CRMP1: variants seen among roughly 807,000 people sequenced by gnomAD.
CRMP1 encodes collapsin response mediator protein 1.
A neutral mutation model predicts 68.3 loss-of-function variants in CRMP1; 19 were observed. The observed-to-expected ratio is 0.28, with a 90% CI of 0.19 to 0.41. The LOEUF is 0.41. CRMP1 is among the 10% of genes least tolerant of loss of function. The probability of loss-of-function intolerance (pLI) is 1.00; values close to 1 mark genes in which losing one functional copy is unlikely to be tolerated. For synonymous variants in CRMP1, 439 were observed against 399.6 expected (o/e 1.10, Z -1.18); for missense variants, 791 against 967.4 (o/e 0.82, Z 2.42).
chr4:5,858,531 G>A lies in CRMP1; in HGVS notation c.656-2224C>T, dbSNP rs1317693443. The stretch of plus-strand genomic sequence containing the variant: ...GTGTGACCCAGCACCGAAGGCTGTT[G>A]ACTGGCCTCCTCCATATCCCTGGAG... On this transcript the variant is annotated intron_variant, in intron 3 of 13. Coordinates refer to ENST00000324989, the MANE Select transcript of CRMP1 (RefSeq NM_001014809.3). The surrounding 1 kb of genome is among the most constrained non-coding windows in gnomAD (Gnocchi z 5.5). 3.3e-5 allele frequency among the ~76,000 whole-genome samples: 5 copies of A among 152,004 alleles called. No homozygotes were observed. In the South Asian group the frequency reaches 1.0e-3, roughly 32 times the overall value.
Position 5,843,032 on chromosome 4 carries a change from G to A in CRMP1, c.1032+61C>T. On this transcript the variant is annotated intron_variant, in intron 7 of 13. Transcript: ENST00000324989. The surrounding 1 kb of genome is among the most constrained non-coding windows in gnomAD (Gnocchi z 4.1). ...TGGCTGGGCTACTCCAGCTGGAACA[G>A]CATCAAGGTGAGTGCTCAGTGGTGA... 3 of 1,519,926 alleles carry A rather than the reference G, an allele frequency of 2.0e-6. No individual in the cohort carries two copies. The highest frequency in any genetic ancestry group is 1.7e-5 in the Admixed American group (1 of 59,758). The allele number at this position is 1,519,926 out of a possible 1,614,324, so 94.2% of individuals were successfully genotyped here. A position where few individuals can be genotyped will look rare whatever the true frequency, so the allele number is the denominator to read the frequency against.
At position 5,843,009 on chromosome 4, in the gene CRMP1, G is replaced by T; in HGVS notation, c.1032+84C>A. The T allele has an allele frequency of 7.4e-7, 1 of 1,343,686 alleles. No individual in the cohort carries two copies. The highest frequency in any genetic ancestry group is 1.1e-6 in the Non-Finnish European group (1 of 938,972). 83.2% of individuals were successfully genotyped at this position (1,343,686 alleles called of 1,614,324 possible). Reference sequence around the variant, plus strand: ...GGACACGGGAAGAGGCCGGGTCCTGGCTGGGCTACTCCAGCTGGAACAGCA... The same window carrying T: ...GGACACGGGAAGAGGCCGGGTCCTGTCTGGGCTACTCCAGCTGGAACAGCA... On this transcript the variant is annotated intron_variant, in intron 7 of 13. Coordinates refer to ENST00000324989, the MANE Select transcript of CRMP1 (RefSeq NM_001014809.3). This position sits in a 1 kb window ranked among gnomAD's most constrained non-coding sequence, Gnocchi z 4.1.
At position 5,825,686 on chromosome 4, in the gene CRMP1, T is replaced by C. The variant is rs141762914; in HGVS notation, c.1804-27A>G. 5.6e-4 allele frequency: 901 copies of C among 1,609,254 alleles called. 6 individuals are homozygous for C. The East Asian group carries it at 0.018, about 32-fold the overall frequency. ...TAAACAGAGGAAGGGAGAGTGTGATTGATCGACACTGTGCATGTGTGCCCT... is the reference window on the plus strand; with the variant it reads ...TAAACAGAGGAAGGGAGAGTGTGATCGATCGACACTGTGCATGTGTGCCCT... On this transcript the variant is annotated intron_variant, in intron 12 of 13. Transcript: ENST00000324989. This position sits in a 1 kb window ranked among gnomAD's most constrained non-coding sequence, Gnocchi z 4.4.
chr4:5,835,814 C>T, intron 11 of CRMP1, 101 bp downstream of exon 11: 1 of 1,290,002 alleles, frequency 7.8e-7, no homozygotes, highest in Non-Finnish European at 1.0e-6. Flanking sequence ...TATCAGATCA[C>T]ATCCTAGTTG....
rs1350748249 is a variant in CRMP1, at chr4:5,825,984, C to T, written c.1804-325G>A. On this transcript the variant is annotated intron_variant, in intron 12 of 13. Coordinates refer to ENST00000324989, the MANE Select transcript of CRMP1 (RefSeq NM_001014809.3). This position sits in a 1 kb window ranked among gnomAD's most constrained non-coding sequence, Gnocchi z 4.4. Reference sequence around the variant, plus strand: ...CACATGCAGTAACAAAACAGGCCTACACAGTAGCATACACGCGTGAACACG... The same window carrying T: ...CACATGCAGTAACAAAACAGGCCTATACAGTAGCATACACGCGTGAACACG... The T allele has an allele frequency of 2.6e-6, 1 of 385,616 alleles. No homozygotes were observed. The highest frequency in any genetic ancestry group is 2.3e-5 in the African/African-American group (1 of 43,004). The allele number at this position is 385,616 out of a possible 1,614,324, so 23.9% of individuals were successfully genotyped here. A position where few individuals can be genotyped will look rare whatever the true frequency, so the allele number is the denominator to read the frequency against.
chr4:5,887,988 C>A (rs1304653516), intron 1 of CRMP1, among the ~76,000 whole-genome samples: 1 of 151,974 alleles, frequency 6.6e-6, no homozygotes, highest in Non-Finnish European at 1.5e-5. Flanking sequence ...GCGGCAAGCC[C>A]GCGGGGAGAG....
chr4:5,876,711 A>G (rs1423900829), intron 1 of CRMP1, among the ~76,000 whole-genome samples: 1 of 152,168 alleles, frequency 6.6e-6, no homozygotes, highest in African/African-American at 2.4e-5. Context: ...GCAATTCAAA[A>G]CTTCAAGATG....
At position 5,855,029 on chromosome 4, in the gene CRMP1, TTATAC is replaced by T. The variant is rs1299415458; in HGVS notation, c.820+1109_820+1113del. 3.9e-5 allele frequency among the ~76,000 whole-genome samples: 6 copies of T among 152,128 alleles called. No homozygotes were observed. Among genetic ancestry groups the T allele is most frequent in the Non-Finnish European group, 7.3e-5 (5 of 68,030 alleles). On this transcript the variant is annotated intron_variant, in intron 4 of 13. Transcript: ENST00000324989. This position sits in a 1 kb window ranked among gnomAD's most constrained non-coding sequence, Gnocchi z 4.9. ...ATAGCTAAGCAAATTAACCATTATA[TTATAC>T]ATTACAAGCCATTAAAAAGTTATTG...
At chr4:5,873,623 C>T (rs971933043) in intron 1 of CRMP1, among the ~76,000 whole-genome samples, 3 of 152,102 alleles carry the variant, frequency 2.0e-5, no homozygotes, top group Non-Finnish European at 2.9e-5. Context: ...AAGAACAGCA[C>T]CAAAGGGGGA....
chr4:5,849,357 C>G, intron 6 of CRMP1, 35 bp downstream of exon 6: 1 of 1,529,840 alleles, frequency 6.5e-7, no homozygotes, highest in Non-Finnish European at 9.1e-7. Flanking sequence ...GAGAATCAGA[C>G]TGAGGTAGAA....
rs964318522 is a variant in CRMP1 at position 5,877,898 on chromosome 4, T to C, written c.382-11142A>G. ...CACAACCCTAAGAGTGGGCAGGGCC[T>C]GCACGCTGCATAGGGAAAGACGATG... On this transcript the variant is annotated intron_variant, in intron 1 of 13. Transcript: ENST00000324989. The surrounding 1 kb of genome is among the most constrained non-coding windows in gnomAD (Gnocchi z 4.3). 1.3e-5 allele frequency among the ~76,000 whole-genome samples: 2 copies of C among 152,246 alleles called. No individual in the cohort carries two copies. The highest frequency in any genetic ancestry group is 2.4e-5 in the African/African-American group (1 of 41,460).
Position 5,833,218 on chromosome 4 carries a change from G to A in CRMP1, c.1623+2697C>T, listed in dbSNP as rs559963164. Among the ~76,000 whole-genome samples, 7 of 83,340 alleles carry A rather than the reference G, an allele frequency of 8.4e-5. 2 individuals carry two copies. The South Asian group carries it at 2.5e-3, about 30-fold the overall frequency. The allele number at this position is 83,340 out of a possible 152,430, so 54.7% of individuals were successfully genotyped here. ...GTCTCGCTCTGTCGCCCAGGCTGGA[G>A]TGCAGTGGTGGGATCTCGGCTCACC... On this transcript the variant is annotated intron_variant, in intron 11 of 13. Transcript: ENST00000324989.
chr4:5,890,429 G>A lies in CRMP1; in HGVS notation c.381+2160C>T, dbSNP rs577769886. 7.5e-4 allele frequency among the ~76,000 whole-genome samples: 114 copies of A among 152,364 alleles called. 1 individual carries two copies. The highest frequency in any genetic ancestry group is 1.4e-3 in the Admixed American group (22 of 15,314). On this transcript the variant is annotated intron_variant, in intron 1 of 13. Coordinates refer to ENST00000324989, the MANE Select transcript of CRMP1 (RefSeq NM_001014809.3). This position sits in a 1 kb window ranked among gnomAD's most constrained non-coding sequence, Gnocchi z 5.5. ...CCAGGGAGAAGCCTGGTGGGCGGGGGGGGAAGGGCCGGGGCACCCGTTGCG... is the reference window on the plus strand; with the variant it reads ...CCAGGGAGAAGCCTGGTGGGCGGGGAGGGAAGGGCCGGGGCACCCGTTGCG...
Position 5,842,428 on chromosome 4 carries a change from CAAAAAA to C in CRMP1, c.1032+659_1032+664del, listed in dbSNP as rs71171489. On this transcript the variant is annotated intron_variant, in intron 7 of 13. Coordinates refer to ENST00000324989, the MANE Select transcript of CRMP1 (RefSeq NM_001014809.3). This position sits in a 1 kb window ranked among gnomAD's most constrained non-coding sequence, Gnocchi z 4.5. The stretch of plus-strand genomic sequence containing the variant: ...TGGGCAACAGAGAGAGACTCCATCT[CAAAAAA>C]AAAAAAAAAAAAAGAAAAGAAAGAA... Among the ~76,000 whole-genome samples, 21 of 99,088 alleles carry C rather than the reference CAAAAAA, an allele frequency of 2.1e-4. No homozygotes were observed. The highest frequency in any genetic ancestry group is 2.9e-4 in the African/African-American group (8 of 27,984). The allele number at this position is 99,088 out of a possible 152,430, so 65.0% of individuals were successfully genotyped here. A position where few individuals can be genotyped will look rare whatever the true frequency, so the allele number is the denominator to read the frequency against.
In CRMP1 at chr4:5,860,950, T is replaced by C; in HGVS notation, c.655+76A>G. 1 of 1,470,850 alleles carries C rather than the reference T, an allele frequency of 6.8e-7. No individual in the cohort carries two copies. The highest frequency in any genetic ancestry group is 1.4e-5 in the African/African-American group (1 of 72,232). 91.1% of individuals were successfully genotyped at this position (1,470,850 alleles called of 1,614,324 possible). ...CCTGGGCAGAGAGCCTCGAACACAC[T>C]GAGCACTTGTGATGCTGGTGATGGG... On this transcript the variant is annotated intron_variant, in intron 3 of 13. Coordinates refer to ENST00000324989, the MANE Select transcript of CRMP1 (RefSeq NM_001014809.3). This position sits in a 1 kb window ranked among gnomAD's most constrained non-coding sequence, Gnocchi z 4.2.
intron 11 of CRMP1, among the ~76,000 whole-genome samples, chr4:5,828,875 C>A (rs530332793): frequency 1.6e-4 from 24 of 152,164 alleles, no homozygotes; most frequent in African/African-American, 5.5e-4. Flanking sequence ...TGTAGGCTGC[C>A]GGTGGCTTTC....
In CRMP1 at chr4:5,825,301, AC is replaced by A; in HGVS notation, c.1969+192del. 2 of 984,146 alleles carry A rather than the reference AC, an allele frequency of 2.0e-6. No homozygotes were observed. Among genetic ancestry groups the A allele is most frequent in the Non-Finnish European group, 2.4e-6 (2 of 829,678 alleles). The allele number at this position is 984,146 out of a possible 1,614,324, so 61.0% of individuals were successfully genotyped here. On this transcript the variant is annotated intron_variant, in intron 13 of 13. Transcript: ENST00000324989. The surrounding 1 kb of genome is among the most constrained non-coding windows in gnomAD (Gnocchi z 4.4). Reference sequence around the variant, plus strand: ...CCACCATGTTGCCCCCCTAACATGGACCCCCCTCTGCTTGGTGACCATGCCA... The same window carrying A: ...CCACCATGTTGCCCCCCTAACATGGACCCCCTCTGCTTGGTGACCATGCCA...
chr4:5,832,452 T>C (rs1163963809), intron 11 of CRMP1, among the ~76,000 whole-genome samples: 1 of 152,256 alleles, frequency 6.6e-6, no homozygotes, highest in East Asian at 1.9e-4. Context: ...TTGTGTTTTA[T>C]AGAAAAGTAG....
Position 5,868,261 on chromosome 4 carries a change from CTATATATATATATATATATATATATATA to C in CRMP1, c.382-1533_382-1506del, listed in dbSNP as rs60816757. ...CCGCACATTCTTCATGACTATATATCTATATATATATATATATATATATATATATATATATATATATACATAATTTTTT... is the reference window on the plus strand; with the variant it reads ...CCGCACATTCTTCATGACTATATATCTATATATATATATACATAATTTTTT... On this transcript the variant is annotated intron_variant, in intron 1 of 13. Transcript: ENST00000324989. 3.9e-4 allele frequency among the ~76,000 whole-genome samples: 43 copies of C among 111,470 alleles called. 1 individual carries two copies. The South Asian group carries it at 9.6e-3, about 25-fold the overall frequency. 73.1% of individuals were successfully genotyped at this position (111,470 alleles called of 152,430 possible).
Sources: gnomAD v4.1 joint callset for allele counts (sites outside exome capture counted in the v4.1 genomes callset) on GRCh38, gnomAD v4.1.1 for gene constraint, Gnocchi (gnomAD v3.1) non-coding constraint, MANE v1.5 for transcripts, NCBI Gene and HGNC (gene_info 2026-07-23, HGNC 2026-07-21) for gene names.